CACNA2D3: variants seen among roughly 807,000 people sequenced by gnomAD.
CACNA2D3 encodes the protein calcium voltage-gated channel auxiliary subunit alpha2delta 3, also known as voltage-dependent calcium channel subunit alpha-2/delta-3.
CACNA2D3 carries 60 observed loss-of-function variants against 160.6 expected under a neutral mutation model. The observed-to-expected ratio is 0.37, with a 90% CI of 0.30 to 0.46. The LOEUF (loss-of-function observed/expected upper bound fraction) is 0.46. Ranked by LOEUF, CACNA2D3 falls within the 20% of genes least tolerant of loss-of-function variation. The probability of loss-of-function intolerance (pLI) is 1.00; values close to 1 mark genes in which losing one functional copy is unlikely to be tolerated. For synonymous variants in CACNA2D3, 558 were observed against 492.9 expected (o/e 1.13, Z -1.75); for missense variants, 1,205 against 1,365.0 (o/e 0.88, Z 1.85).
chr3:55,063,295 A>C (rs935070327), intron 35 of CACNA2D3, among the ~76,000 whole-genome samples: 1 of 152,042 alleles, frequency 6.6e-6, no homozygotes, highest in African/African-American at 2.4e-5. Flanking sequence ...CAAGATCCTC[A>C]GGTCATCCGT....
chr3:55,025,148 G>C (rs1358561076), intron 35 of CACNA2D3, among the ~76,000 whole-genome samples: 1 of 152,162 alleles, frequency 6.6e-6, no homozygotes. Flanking sequence ...AGAGCAAGCA[G>C]TATTTTTCCT....
chr3:54,477,629 C>G (rs950542815), intron 4 of CACNA2D3, among the ~76,000 whole-genome samples: 4 of 152,150 alleles, frequency 2.6e-5, no homozygotes, highest in East Asian at 1.9e-4. Flanking sequence ...TCTCCACCTC[C>G]AAGTCTGCTA....
chr3:54,716,639 A>G (rs1038447300), intron 11 of CACNA2D3, among the ~76,000 whole-genome samples: 1 of 152,130 alleles, frequency 6.6e-6, no homozygotes, highest in Non-Finnish European at 1.5e-5. Context: ...GTTAATTTAC[A>G]TTGTTAGGGT....
At chr3:54,806,391 C>A (rs1703124927) in intron 13 of CACNA2D3, among the ~76,000 whole-genome samples, 1 of 152,140 alleles carries the variant, frequency 6.6e-6, no homozygotes. Flanking sequence ...AAATCACAAG[C>A]ATTCTTATAC....
At chr3:54,744,062 CACAGTGAT>C (rs1232167382) in intron 11 of CACNA2D3, among the ~76,000 whole-genome samples, 5 of 152,150 alleles carry the variant, frequency 3.3e-5, no homozygotes, top group African/African-American at 1.2e-4. Context: ...ACCCAAGGTC[CACAGTGAT>C]GCCTATTCTG....
intron 3 of CACNA2D3, among the ~76,000 whole-genome samples, chr3:54,358,448 GA>G (rs1321034820): frequency 6.6e-6 from 1 of 152,212 alleles, no homozygotes; most frequent in Non-Finnish European, 1.5e-5. Flanking sequence ...GCATTCAAGT[GA>G]GTCACTTTGG....
intron 30 of CACNA2D3, among the ~76,000 whole-genome samples, chr3:54,985,140 A>G (rs1295010325): frequency 6.6e-6 from 1 of 152,212 alleles, no homozygotes; most frequent in African/African-American, 2.4e-5. Context: ...AAAATCAGTT[A>G]TCTGAGTTCA....
chr3:54,619,762 G>T (rs1698941311), intron 9 of CACNA2D3, among the ~76,000 whole-genome samples: 1 of 150,786 alleles, frequency 6.6e-6, no homozygotes. Context: ...AGGCTTGGTG[G>T]TAGCCATGTC....
At chr3:54,732,227 C>T (rs535114887) in intron 11 of CACNA2D3, among the ~76,000 whole-genome samples, 1 of 152,334 alleles carries the variant, frequency 6.6e-6, no homozygotes, top group Admixed American at 6.5e-5. Flanking sequence ...GCGAAGCACA[C>T]AGGGCAGAAT....
At chr3:54,822,299 C>T (rs1484938989) in intron 14 of CACNA2D3, among the ~76,000 whole-genome samples, 2 of 152,192 alleles carry the variant, frequency 1.3e-5, no homozygotes, top group Non-Finnish European at 2.9e-5. Flanking sequence ...GTGCTAGAAA[C>T]CAGAGAGCAA....
intron 11 of CACNA2D3, among the ~76,000 whole-genome samples, chr3:54,727,992 G>A (rs1382794096): frequency 6.6e-6 from 1 of 150,458 alleles, no homozygotes; most frequent in Non-Finnish European, 1.5e-5. Context: ...TTTTTAGTAT[G>A]TTTTTTTCTT....
intron 11 of CACNA2D3, among the ~76,000 whole-genome samples, chr3:54,655,143 T>C (rs924093977): frequency 3.9e-5 from 6 of 152,204 alleles, no homozygotes; most frequent in African/African-American, 1.2e-4. Flanking sequence ...TTATTTGCAA[T>C]CTACTGATAT....
intron 11 of CACNA2D3, among the ~76,000 whole-genome samples, chr3:54,752,256 A>G (rs1701871505): frequency 6.6e-6 from 1 of 152,102 alleles, no homozygotes; most frequent in Non-Finnish European, 1.5e-5. Flanking sequence ...AATGGGGAAA[A>G]TGCTTGGGGA....
At chr3:54,403,514 A>G (rs899831307) in intron 4 of CACNA2D3, among the ~76,000 whole-genome samples, 1 of 152,192 alleles carries the variant, frequency 6.6e-6, no homozygotes, top group Non-Finnish European at 1.5e-5. Context: ...AAATGCCTAC[A>G]TTAAAAAATA....
chr3:54,786,323 GATGA>G (rs1268803266), intron 13 of CACNA2D3, among the ~76,000 whole-genome samples: 1 of 152,138 alleles, frequency 6.6e-6, no homozygotes, highest in African/African-American at 2.4e-5. Flanking sequence ...TGGTAATATG[GATGA>G]ATGAATGGTA....
chr3:54,149,877 G>GTGTCTCTCTCTCTCTCTCTCTCTC (rs757018890), intron 2 of CACNA2D3, among the ~76,000 whole-genome samples: 2 of 105,884 alleles, frequency 1.9e-5, no homozygotes, highest in Admixed American at 1.0e-4. Flanking sequence ...CTGTCCTGAA[G>GTGTCTCTCTCTCTCTCTCTCTCTC]TATCTGTCTC....
intron 3 of CACNA2D3, among the ~76,000 whole-genome samples, chr3:54,323,273 A>T (rs1331974952): frequency 6.6e-6 from 1 of 152,074 alleles, no homozygotes; most frequent in East Asian, 1.9e-4. Context: ...TTTGCCTGTG[A>T]GATTTGTGAA....
chr3:55,056,295 A>G (rs1704358810), intron 35 of CACNA2D3, among the ~76,000 whole-genome samples: 3 of 152,180 alleles, frequency 2.0e-5, no homozygotes, highest in Admixed American at 2.0e-4. Flanking sequence ...TATTAAAAGG[A>G]TGAAAGATAA....
At chr3:54,779,556 T>C (rs534527287) in intron 13 of CACNA2D3, among the ~76,000 whole-genome samples, 1 of 152,214 alleles carries the variant, frequency 6.6e-6, no homozygotes, top group Admixed American at 6.5e-5. Context: ...TGGTCAATAG[T>C]GCCTCACCAT....
Sources: allele counts gnomAD v4.1 joint callset (sites outside exome capture counted in the v4.1 genomes callset), GRCh38; gene constraint gnomAD v4.1.1; transcripts MANE v1.5; gene names NCBI Gene and HGNC (gene_info 2026-07-23, HGNC 2026-07-21).